MTCL1: variants seen among roughly 807,000 people sequenced by gnomAD.
MTCL1 encodes the protein microtubule crosslinking factor 1.
MTCL1 carries 79 observed loss-of-function variants against 141.4 expected under a neutral mutation model. The observed-to-expected ratio is 0.56, with a 90% CI of 0.47 to 0.67. The LOEUF is 0.67. Among genes scored for constraint, MTCL1 ranks in the 30% least tolerant of loss-of-function variants. The pLI, the probability that MTCL1 is intolerant of heterozygous loss-of-function variation, is 0.00. For missense variants in MTCL1, 2,177 were observed against 2,113.9 expected (o/e 1.03, Z -0.59); for synonymous variants, 914 against 875.8 (o/e 1.04, Z -0.77).
rs549681074 is a variant in MTCL1 at position 8,806,002 on chromosome 18, A to G, written c.2437-891A>G. 2.6e-5 allele frequency among the ~76,000 whole-genome samples: 4 copies of G among 152,300 alleles called. No individual in the cohort carries two copies. In the South Asian group the frequency reaches 8.3e-4, roughly 32 times the overall value. On this transcript the variant is annotated intron_variant, in intron 10 of 16. Transcript: ENST00000359865. ...GGGCAGGTTTCAGAACATATAAACC[A>G]TTTTAAGTTAGATATAAGCAGATTA...
intron 4 of MTCL1, among the ~76,000 whole-genome samples, chr18:8,742,420 G>A (rs1321439346): frequency 6.6e-6 from 1 of 152,192 alleles, no homozygotes; most frequent in Non-Finnish European, 1.5e-5. Context: ...TGGCTGGGGA[G>A]GCCTTAGGAA....
intron 4 of MTCL1, among the ~76,000 whole-genome samples, chr18:8,729,585 T>G (rs2096239468): frequency 6.6e-6 from 1 of 151,156 alleles, no homozygotes; most frequent in South Asian, 2.1e-4. Flanking sequence ...GAAAATCTTT[T>G]GTAGAGATGA....
chr18:8,737,228 T>C (rs998475588), intron 4 of MTCL1, among the ~76,000 whole-genome samples: 1 of 152,192 alleles, frequency 6.6e-6, no homozygotes, highest in Non-Finnish European at 1.5e-5. Flanking sequence ...CAAACCAAAC[T>C]AAGAGAGTAG....
intron 8 of MTCL1, 94 bp downstream of exon 7, chr18:8,793,214 G>C (rs942145717): frequency 1.4e-5 from 21 of 1,544,456 alleles, no homozygotes; most frequent in Non-Finnish European, 1.8e-5. Flanking sequence ...AAGGCTGTCT[G>C]TTGCGTACAG....
rs889909214 is a variant in MTCL1 at position 8,779,619 on chromosome 18, C to G, written c.417+1727C>G. 6.6e-6 allele frequency among the ~76,000 whole-genome samples: 1 copy of G among 152,142 alleles called. No homozygotes were observed. Among genetic ancestry groups the G allele is most frequent in the Non-Finnish European group, 1.5e-5 (1 of 68,036 alleles). On this transcript the variant is annotated intron_variant, in intron 5 of 16. Coordinates refer to ENST00000359865, the Ensembl canonical transcript of MTCL1. The surrounding 1 kb of genome is among the most constrained non-coding windows in gnomAD (Gnocchi z 4.1). The stretch of plus-strand genomic sequence containing the variant: ...CACCCGGCAGGTGCAGCGGGCCCTG[C>G]TCCAGCTGCCTCGACCTCACGGAAG...
intron 4 of MTCL1, among the ~76,000 whole-genome samples, chr18:8,726,583 A>G (rs990954384): frequency 5.9e-5 from 9 of 151,490 alleles, no homozygotes; most frequent in South Asian, 2.1e-4. Context: ...TCCTCTTTTC[A>G]TAAAGATATT....
chr18:8,723,344 C>T (rs1050776356), intron 4 of MTCL1, among the ~76,000 whole-genome samples: 2 of 152,192 alleles, frequency 1.3e-5, no homozygotes, highest in African/African-American at 4.8e-5. Context: ...ACAGGCTGAG[C>T]TTTGCTCTGG....
chr18:8,784,413 C>G, exon 6 of MTCL1: 1 of 1,527,258 alleles, frequency 6.5e-7, no homozygotes, highest in Non-Finnish European at 8.8e-7. Flanking sequence ...GGGAAGCCAT[C>G]GGAGGCCAGC....
chr18:8,801,164 G>A (rs2076108220), intron 10 of MTCL1, among the ~76,000 whole-genome samples: 1 of 152,082 alleles, frequency 6.6e-6, no homozygotes, highest in Non-Finnish European at 1.5e-5. Flanking sequence ...TGGCTCCCTG[G>A]GCTTCCGGGG....
At chr18:8,784,494 C>T (rs752913291) in exon 6 of MTCL1, 2 of 1,582,384 alleles carry the variant, frequency 1.3e-6, no homozygotes, top group African/African-American at 2.7e-5. Context: ...AAACACGAGG[C>T]CCAGCGGCTA....
chr18:8,808,903 C>T (rs761878893), intron 11 of MTCL1, among the ~76,000 whole-genome samples: 3 of 152,166 alleles, frequency 2.0e-5, no homozygotes, highest in African/African-American at 7.2e-5. Context: ...TGTCAGGGAA[C>T]AGGAACGTGC....
exon 1 of MTCL1, chr18:8,706,295 T>A: frequency 8.1e-7 from 1 of 1,229,720 alleles, no homozygotes; most frequent in Non-Finnish European, 1.0e-6. Flanking sequence ...AGCTCCGACC[T>A]CTCTGACTGC....
chr18:8,745,069 G>A (rs1374271268), intron 4 of MTCL1, among the ~76,000 whole-genome samples: 5 of 152,242 alleles, frequency 3.3e-5, no homozygotes, highest in Non-Finnish European at 7.3e-5. Context: ...TCCTGATTTT[G>A]AGAGGCTTTG....
At chr18:8,729,244 C>G (rs1404518029) in intron 4 of MTCL1, among the ~76,000 whole-genome samples, 1 of 146,798 alleles carries the variant, frequency 6.8e-6, no homozygotes, top group Non-Finnish European at 1.5e-5. Flanking sequence ...TTTGGAGAGA[C>G]AGGGTTTTGC....
intron 7 of MTCL1, chr18:8,789,742 G>GT (rs541240675): frequency 6.9e-5 from 68 of 978,542 alleles, no homozygotes; most frequent in South Asian, 2.4e-4. Context: ...CAAAAAAAGG[G>GT]TTTTTTTTAG....
chr18:8,791,796 C>T (rs142590913), intron 7 of MTCL1, among the ~76,000 whole-genome samples: 1 of 152,134 alleles, frequency 6.6e-6, no homozygotes, highest in African/African-American at 2.4e-5. Context: ...ACTAGCAAAT[C>T]AAAGAAGCAT....
chr18:8,756,449 A>G (rs1179330301), intron 4 of MTCL1, among the ~76,000 whole-genome samples: 3 of 144,220 alleles, frequency 2.1e-5, no homozygotes, highest in African/African-American at 5.7e-5. Context: ...ATATGTGTAT[A>G]TATGTGTATA....
At position 8,749,759 on chromosome 18, in the gene MTCL1, G is replaced by T. The variant is rs146106233; in HGVS notation, c.358-28074G>T. Among the ~76,000 whole-genome samples the T allele has an allele frequency of 1.5e-3, 223 of 152,288 alleles. 1 individual carries two copies. Among genetic ancestry groups the T allele is most frequent in the African/African-American group, 5.2e-3 (215 of 41,578 alleles). On this transcript the variant is annotated intron_variant, in intron 4 of 16. Coordinates refer to ENST00000359865, the Ensembl canonical transcript of MTCL1. ...AGGGCTTAGGGCATGATCCTGGATC[G>T]TACAGACATGGGGGCCTATTCTTTC...
chr18:8,771,738 C>G (rs1300918136), intron 4 of MTCL1, among the ~76,000 whole-genome samples: 1 of 152,202 alleles, frequency 6.6e-6, no homozygotes, highest in Non-Finnish European at 1.5e-5. Context: ...AAGGCATCAG[C>G]TTTAGATGGA....
Sources: allele counts gnomAD v4.1 joint callset (sites outside exome capture counted in the v4.1 genomes callset), GRCh38; gene constraint gnomAD v4.1.1; non-coding constraint Gnocchi (gnomAD v3.1); transcripts MANE v1.5; gene names NCBI Gene and HGNC (gene_info 2026-07-23, HGNC 2026-07-21).